The following POR variants were observed in gnomAD, a reference collection of about 807,000 sequenced individuals.
POR encodes the protein NADPH--cytochrome P450 reductase.
A neutral mutation model predicts 84.0 loss-of-function variants in POR; 56 were observed. The observed-to-expected ratio is 0.67, with a 90% CI of 0.54 to 0.83. The LOEUF (loss-of-function observed/expected upper bound fraction) is 0.83. Among genes scored for constraint, POR ranks in the 40% least tolerant of loss-of-function variants. The pLI, the probability that POR is intolerant of heterozygous loss-of-function variation, is 0.00. For synonymous variants in POR, 414 were observed against 400.5 expected (o/e 1.03, Z -0.40); for missense variants, 938 against 944.3 (o/e 0.99, Z 0.09).
intron 1 of POR, among the ~76,000 whole-genome samples, chr7:75,932,618 A>AT (rs1807475173): frequency 1.3e-5 from 2 of 152,134 alleles, no homozygotes; most frequent in Admixed American, 6.5e-5. Flanking sequence ...GTAACTTGAC[A>AT]TTGTAATAGT....
chr7:75,985,570 T>G lies in POR; in HGVS notation c.1399-9T>G, dbSNP rs1554559045. On this transcript the variant is annotated splice_polypyrimidine_tract_variant and intron_variant, in intron 12 of 15. Transcript: ENST00000461988. ...TGTGGCGGTGGAGCTCACACGGCCC[T>G]CCCCACAGGTCCACCCCAACTCTGT... 1.3e-6 allele frequency: 2 copies of G among 1,523,792 alleles called. No individual in the cohort carries two copies. The highest frequency in any genetic ancestry group is 1.8e-6 in the Non-Finnish European group (2 of 1,131,176). 94.4% of individuals were successfully genotyped at this position (1,523,792 alleles called of 1,614,324 possible).
chr7:75,972,909 A>T, intron 3 of POR: 1 of 218,648 alleles, frequency 4.6e-6, no homozygotes, highest in Non-Finnish European at 9.4e-6. Context: ...TGCAAGCTCC[A>T]CCTCCCGGGT....
At chr7:75,929,709 T>C (rs529453956) in intron 1 of POR, among the ~76,000 whole-genome samples, 2 of 152,324 alleles carry the variant, frequency 1.3e-5, no homozygotes, top group Non-Finnish European at 2.9e-5. Context: ...CATTGTTCCC[T>C]GTCAGCTTGT....
intron 2 of POR, among the ~76,000 whole-genome samples, chr7:75,964,550 C>T (rs543158556): frequency 6.6e-5 from 10 of 152,280 alleles, no homozygotes; most frequent in Admixed American, 1.3e-4. Flanking sequence ...TCAGGTGATC[C>T]GCCTGCCTCA....
At chr7:75,980,904 G>A (rs1788980655) in intron 5 of POR, 144 bp from the exon 6 acceptor site, 2 of 1,151,410 alleles carry the variant, frequency 1.7e-6, no homozygotes, top group Admixed American at 2.8e-5. Context: ...GTTCCTTGCA[G>A]TGCGAGGCGC....
chr7:75,953,840 T>C lies in POR; in HGVS notation c.-4-149T>C, dbSNP rs372298870. Reference sequence around the variant, plus strand: ...GACTGTGGCTGTCTTGGCAGGAACCTGGCTGAGTGAGCCCCTTCTCCTACC... The same window carrying C: ...GACTGTGGCTGTCTTGGCAGGAACCCGGCTGAGTGAGCCCCTTCTCCTACC... On this transcript the variant is annotated intron_variant, in intron 1 of 15. Transcript: ENST00000461988. The C allele has an allele frequency of 4.3e-5, 27 of 622,968 alleles. No homozygotes were observed. The African/African-American group carries it at 5.0e-4, about 11-fold the overall frequency. The allele number at this position is 622,968 out of a possible 1,614,324, so 38.6% of individuals were successfully genotyped here. A position where few individuals can be genotyped will look rare whatever the true frequency, so the allele number is the denominator to read the frequency against.
intron 1 of POR, among the ~76,000 whole-genome samples, chr7:75,935,931 G>C (rs1807654744): frequency 6.6e-6 from 1 of 151,312 alleles, no homozygotes; most frequent in African/African-American, 2.4e-5. Flanking sequence ...TGCTTGGAGG[G>C]GTTGTAAACC....
chr7:75,922,928 C>T (rs1554549031), intron 1 of POR: 1 of 668,874 alleles, frequency 1.5e-6, no homozygotes, highest in East Asian at 2.6e-5. Flanking sequence ...CTACATGATT[C>T]CTGGCGGCAG....
At chr7:75,970,124 G>A (rs1554555917) in intron 2 of POR, among the ~76,000 whole-genome samples, 1 of 152,030 alleles carries the variant, frequency 6.6e-6, no homozygotes, top group African/African-American at 2.4e-5. Flanking sequence ...AAATGGGGCC[G>A]GGCCACTGCG....
rs1585120794 is a variant in POR at position 75,972,293 on chromosome 7, T to C, written c.189-120T>C. The C allele has an allele frequency of 2.7e-5, 24 of 885,778 alleles. No homozygotes were observed. The South Asian group carries it at 3.6e-4, about 13-fold the overall frequency. The allele number at this position is 885,778 out of a possible 1,614,324, so 54.9% of individuals were successfully genotyped here. A position where few individuals can be genotyped will look rare whatever the true frequency, so the allele number is the denominator to read the frequency against. On this transcript the variant is annotated intron_variant, in intron 2 of 15. Transcript: ENST00000461988. ...AGTGGCACGGGACAAAGCTGGAATG[T>C]CCCCTCCCTGTGCTGCCACAGCATC...
chr7:75,981,887 G>A (rs963285651), intron 7 of POR: 13 of 571,054 alleles, frequency 2.3e-5, no homozygotes, highest in African/African-American at 1.7e-4. Flanking sequence ...CTTAAAATCT[G>A]CCTCCACAGA....
intron 1 of POR, among the ~76,000 whole-genome samples, chr7:75,946,370 T>A (rs1252408800): frequency 1.3e-5 from 2 of 152,022 alleles, no homozygotes; most frequent in Non-Finnish European, 2.9e-5. Flanking sequence ...CACCGCAACC[T>A]CAACCTCCTG....
chr7:75,986,492 G>C lies in POR; in HGVS notation c.*11G>C, dbSNP rs1554559534. The stretch of plus-strand genomic sequence containing the variant: ...GACGTGTGGAGCTAGGGGCCTGCCT[G>C]CCCCACCCACCCCACAGACTCCGGC... On this transcript the variant is annotated 3_prime_UTR_variant, in exon 16 of 16. Coordinates refer to ENST00000461988, the MANE Select transcript of POR (RefSeq NM_000941.3). 1 of 1,605,330 alleles carries C rather than the reference G, an allele frequency of 6.2e-7. No homozygotes were observed. The highest frequency in any genetic ancestry group is 1.3e-5 in the African/African-American group (1 of 74,978).
At chr7:75,937,255 C>T (rs1424314452) in intron 1 of POR, among the ~76,000 whole-genome samples, 2 of 144,082 alleles carry the variant, frequency 1.4e-5, no homozygotes, top group Admixed American at 1.4e-4. Flanking sequence ...GGGAGTTTGA[C>T]ATCAGCCTGG....
chr7:75,952,682 C>T (rs1325393067), intron 1 of POR, among the ~76,000 whole-genome samples: 30 of 143,710 alleles, frequency 2.1e-4, no homozygotes, highest in South Asian at 6.8e-4. Context: ...ACATCCCAGA[C>T]GGGGCGGCGG....
intron 2 of POR, among the ~76,000 whole-genome samples, chr7:75,969,786 G>A (rs1258737515): frequency 6.6e-6 from 1 of 152,208 alleles, no homozygotes; most frequent in Non-Finnish European, 1.5e-5. Flanking sequence ...GCCACCCTAG[G>A]AGGAGACACG....
At chr7:75,969,646 T>C (rs1174544402) in intron 2 of POR, among the ~76,000 whole-genome samples, 1 of 152,042 alleles carries the variant, frequency 6.6e-6, no homozygotes, top group African/African-American at 2.4e-5. Flanking sequence ...GTCCTTTGAG[T>C]AGAGATAGGG....
intron 2 of POR, among the ~76,000 whole-genome samples, chr7:75,958,010 G>C (rs1488793857): frequency 6.6e-6 from 1 of 152,220 alleles, no homozygotes; most frequent in Non-Finnish European, 1.5e-5. Context: ...GCTGGAGGTA[G>C]TAGTAGTACT....
intron 1 of POR, among the ~76,000 whole-genome samples, chr7:75,922,428 A>T (rs1485027829): frequency 6.6e-6 from 1 of 151,590 alleles, no homozygotes; most frequent in African/African-American, 2.4e-5. Context: ...GGTTCAAGCA[A>T]TTCTCGTGCC....
Sources: gnomAD v4.1 joint callset for allele counts (sites outside exome capture counted in the v4.1 genomes callset) on GRCh38, gnomAD v4.1.1 for gene constraint, MANE v1.5 for transcripts, NCBI Gene and HGNC (gene_info 2026-07-23, HGNC 2026-07-21) for gene names.